Variants in CEP63 observed in about 807,000 individuals in gnomAD.
CEP63 encodes centrosomal protein of 63 kDa.
CEP63 carries 84 observed loss-of-function variants against 89.1 expected under a neutral mutation model. That is an observed-to-expected ratio of 0.94 (90% CI 0.79 to 1.13). CEP63 has a LOEUF of 1.13. Among genes scored for constraint, CEP63 ranks in the 50% most tolerant of loss-of-function variants. The pLI is 0.00. For synonymous variants in CEP63, 267 were observed against 272.5 expected, an observed-to-expected ratio of 0.98 and a Z score of 0.20; for missense variants, 838 against 813.3, an observed-to-expected ratio of 1.03 and a Z score of -0.37.
the CEP63 span, among the ~76,000 whole-genome samples, chr3:134,757,314 C>T: frequency 2.6e-5 from 4 of 152,170 alleles, no homozygotes. Flanking sequence ...AGTGGGTAGG[C>T]AACCAGCAAT....
the CEP63 span, among the ~76,000 whole-genome samples, chr3:134,759,161 T>C: frequency 4.6e-5 from 7 of 152,220 alleles, no homozygotes; most frequent in African/African-American, 1.7e-4. Flanking sequence ...GACTTCTGAC[T>C]CTAGAACTGT....
At chr3:134,558,759 A>G (rs1577418230) in intron 13 of CEP63, among the ~76,000 whole-genome samples, 2 of 152,182 alleles carry the variant, frequency 1.3e-5, no homozygotes, top group South Asian at 4.1e-4. Context: ...TTCAGCTCAT[A>G]CTATATGGCT....
At chr3:134,531,989 C>A in intron 4 of CEP63, 49 bp downstream of exon 4, 1 of 1,327,448 alleles carries the variant, frequency 7.5e-7, no homozygotes, top group South Asian at 1.2e-5. Context: ...CTCTCTCTTT[C>A]ACCCTTGAGA....
At chr3:134,608,854 AG>A in the CEP63 span, 1 of 1,598,114 alleles carries the variant, frequency 6.3e-7, no homozygotes, top group Non-Finnish European at 8.5e-7. Flanking sequence ...AGCAGAGACA[AG>A]CTGGTTAGCA....
the CEP63 span, among the ~76,000 whole-genome samples, chr3:134,702,197 G>A: frequency 5.5e-4 from 83 of 152,082 alleles, no homozygotes; most frequent in Non-Finnish European, 1.1e-3. Context: ...ACAAACCACT[G>A]CTCAAAAAAA....
chr3:134,693,253 C>T, the CEP63 span, among the ~76,000 whole-genome samples: 5 of 152,178 alleles, frequency 3.3e-5, no homozygotes, highest in South Asian at 4.1e-4. Context: ...TTGCCCTTTT[C>T]GCTTTTACAC....
chr3:134,726,326 G>C, the CEP63 span, among the ~76,000 whole-genome samples: 1 of 152,070 alleles, frequency 6.6e-6, no homozygotes, highest in African/African-American at 2.4e-5. Flanking sequence ...ATTAGTAAAG[G>C]CCCGGCTTTG....
the CEP63 span, among the ~76,000 whole-genome samples, chr3:134,722,349 A>G: frequency 2.5e-4 from 18 of 71,100 alleles, no homozygotes; most frequent in African/African-American, 7.4e-4. Context: ...GTATATATAC[A>G]GTATAGTATT....
the CEP63 span, chr3:134,610,185 A>C: frequency 6.2e-7 from 1 of 1,609,854 alleles, no homozygotes; most frequent in Non-Finnish European, 8.5e-7. Flanking sequence ...GAACTGAGAC[A>C]AGTACTTACA....
chr3:134,529,070 G>A (rs914019292), intron 3 of CEP63, among the ~76,000 whole-genome samples: 1 of 152,132 alleles, frequency 6.6e-6, no homozygotes, highest in Admixed American at 6.6e-5. Flanking sequence ...GAGTTAATCT[G>A]TATTAACATT....
the CEP63 span, among the ~76,000 whole-genome samples, chr3:134,753,313 C>G: frequency 3.9e-5 from 6 of 152,164 alleles, no homozygotes; most frequent in African/African-American, 1.4e-4. Context: ...CTCTCTTTCC[C>G]TCTTATTGTC....
At chr3:134,750,294 C>T in the CEP63 span, among the ~76,000 whole-genome samples, 26 of 152,182 alleles carry the variant, frequency 1.7e-4, no homozygotes, top group Non-Finnish European at 3.1e-4. Flanking sequence ...AGAGCCCCTC[C>T]GTCCCTGCTA....
chr3:134,651,249 G>A, the CEP63 span: 2 of 1,229,728 alleles, frequency 1.6e-6, no homozygotes, highest in African/African-American at 1.6e-5. Flanking sequence ...CAGCAGGGGC[G>A]GCCGGTCCAG....
chr3:134,694,625 C>T, the CEP63 span, among the ~76,000 whole-genome samples: 1 of 152,326 alleles, frequency 6.6e-6, no homozygotes, highest in Non-Finnish European at 1.5e-5. Flanking sequence ...AACAGGCTCA[C>T]AAGCCAGATG....
intron 3 of CEP63, among the ~76,000 whole-genome samples, chr3:134,522,122 A>C (rs1414063735): frequency 6.6e-6 from 1 of 152,068 alleles, no homozygotes; most frequent in East Asian, 1.9e-4. Flanking sequence ...CCTGGAGATA[A>C]TTTTTACTGC....
chr3:134,622,788 T>G, the CEP63 span, among the ~76,000 whole-genome samples: 1 of 152,194 alleles, frequency 6.6e-6, no homozygotes, highest in South Asian at 2.1e-4. Flanking sequence ...GTTTAATCTC[T>G]GTAGAGAAGC....
intron 6 of CEP63, among the ~76,000 whole-genome samples, chr3:134,541,924 A>G (rs910115919): frequency 3.3e-5 from 5 of 152,194 alleles, no homozygotes; most frequent in Admixed American, 3.3e-4. Context: ...GTAACAAAAG[A>G]GTCGTGGTTA....
At chr3:134,757,480 A>G in the CEP63 span, among the ~76,000 whole-genome samples, 3 of 152,238 alleles carry the variant, frequency 2.0e-5, no homozygotes, top group African/African-American at 7.2e-5. Context: ...TCAATACTGC[A>G]ATTCAGTAAT....
intron 3 of CEP63, among the ~76,000 whole-genome samples, chr3:134,517,088 C>A (rs186430608): frequency 2.0e-5 from 3 of 152,298 alleles, no homozygotes; most frequent in African/African-American, 7.2e-5. Context: ...GAATTCATCA[C>A]CAGCTGCTTA....
Sources: allele counts gnomAD v4.1 joint callset (sites outside exome capture counted in the v4.1 genomes callset), GRCh38; gene constraint gnomAD v4.1.1; transcripts MANE v1.5; gene names NCBI Gene and HGNC (gene_info 2026-07-23, HGNC 2026-07-21).